ZNF407: variants seen among roughly 807,000 people sequenced by gnomAD.
ZNF407 encodes zinc finger protein 407.
A neutral mutation model predicts 131.2 loss-of-function variants in ZNF407; 17 were observed. The observed-to-expected ratio is 0.13, with a 90% confidence interval of 0.09 to 0.19. The LOEUF is 0.19. Ranked by LOEUF, ZNF407 falls within the 10% of genes least tolerant of loss-of-function variation. The pLI is 1.00. For missense variants in ZNF407, 2,681 were observed against 2,830.6 expected, an observed-to-expected ratio of 0.95 and a Z score of 1.20; for synonymous variants, 1,156 against 1,062.0, an observed-to-expected ratio of 1.09 and a Z score of -1.72.
chr18:75,051,154 G>T (rs1973496172), intron 8 of ZNF407, among the ~76,000 whole-genome samples: 1 of 151,986 alleles, frequency 6.6e-6, no homozygotes, highest in African/African-American at 2.4e-5. Flanking sequence ...CTGTGTGGGT[G>T]TCTACCTAAT....
chr18:74,715,626 C>T (rs1330110078), intron 3 of ZNF407, among the ~76,000 whole-genome samples: 1 of 152,156 alleles, frequency 6.6e-6, no homozygotes, highest in East Asian at 1.9e-4. Context: ...TTGAATTGAA[C>T]TACATGCTCG....
intron 4 of ZNF407, chr18:74,804,303 A>T (rs1203775528): frequency 5.5e-4 from 151 of 275,248 alleles, no homozygotes; most frequent in Non-Finnish European, 7.5e-4. Context: ...TCAATGAGTT[A>T]AAAAAAAAAA....
intron 8 of ZNF407, chr18:74,921,083 A>G: frequency 1.1e-6 from 1 of 886,010 alleles, no homozygotes. Flanking sequence ...TATTGACACC[A>G]TCATCTTCTA....
intron 3 of ZNF407, among the ~76,000 whole-genome samples, chr18:74,664,073 C>G (rs1427407224): frequency 1.3e-5 from 2 of 152,158 alleles, no homozygotes; most frequent in African/African-American, 4.8e-5. Context: ...CTCGCCATTC[C>G]CAGATCTGGG....
intron 3 of ZNF407, among the ~76,000 whole-genome samples, chr18:74,777,460 T>C (rs546145555): frequency 1.1e-3 from 175 of 152,278 alleles, no homozygotes; most frequent in African/African-American, 4.0e-3. Context: ...AGAGTTGGCC[T>C]CCTGTTCCAC....
intron 7 of ZNF407, among the ~76,000 whole-genome samples, chr18:74,918,337 T>C (rs145704194): frequency 8.3e-4 from 127 of 152,316 alleles, no homozygotes; most frequent in African/African-American, 2.4e-3. Flanking sequence ...TCACCAGCCA[T>C]ACAGCCTGTG....
At chr18:74,739,126 C>T (rs1968489115) in intron 3 of ZNF407, among the ~76,000 whole-genome samples, 3 of 151,174 alleles carry the variant, frequency 2.0e-5, no homozygotes. Flanking sequence ...GAATTTATCT[C>T]CCTAAAGATG....
intron 3 of ZNF407, among the ~76,000 whole-genome samples, chr18:74,763,705 A>ATTTTTTTTTTTTTTT (rs11340257): frequency 5.7e-5 from 4 of 70,228 alleles, no homozygotes; most frequent in African/African-American, 2.1e-4. Context: ...CTTATCTTTG[A>ATTTTTTTTTTTTTTT]TTTTTTTTTT....
intron 7 of ZNF407, among the ~76,000 whole-genome samples, chr18:74,902,189 C>G (rs1312748897): frequency 6.6e-6 from 1 of 152,078 alleles, no homozygotes; most frequent in Non-Finnish European, 1.5e-5. Context: ...TTGCTTTAAC[C>G]CGTCCCCACT....
intron 8 of ZNF407, among the ~76,000 whole-genome samples, chr18:74,991,346 C>T (rs1972716558): frequency 6.6e-6 from 1 of 152,164 alleles, no homozygotes; most frequent in African/African-American, 2.4e-5. Context: ...TTTTCAGTAG[C>T]TTTTACCTTC....
chr18:74,610,085 C>T (rs8092370), intron 1 of ZNF407, among the ~76,000 whole-genome samples: 10,467 of 152,188 alleles, frequency 0.069, 410 homozygotes, highest in African/African-American at 0.11. Context: ...TTCTTGGAGG[C>T]AGGGAACAAG....
chr18:74,696,757 A>G (rs1378714867), intron 3 of ZNF407, among the ~76,000 whole-genome samples: 1 of 152,184 alleles, frequency 6.6e-6, no homozygotes, highest in African/African-American at 2.4e-5. Flanking sequence ...TGGTAGTAAT[A>G]TGGAAACTGG....
chr18:74,790,668 G>T (rs1399873304), intron 4 of ZNF407, among the ~76,000 whole-genome samples: 3 of 151,982 alleles, frequency 2.0e-5, no homozygotes, highest in Non-Finnish European at 4.4e-5. Flanking sequence ...AGAGAACAAA[G>T]GCCTATATGT....
At position 74,974,218 on chromosome 18, in the gene ZNF407, G is replaced by A. The variant is rs368584579; in HGVS notation, c.5428+53526G>A. On this transcript the variant is annotated intron_variant, in intron 8 of 8. Coordinates refer to ENST00000299687, the MANE Select transcript of ZNF407 (RefSeq NM_017757.3). ...GTAGACGATTTTTCTTGGTCCTGTC[G>A]TATTAAACAGCTGACCTCACAGCTA... is the stretch of plus-strand genomic sequence containing the variant. Among the ~76,000 whole-genome samples the A allele has an allele frequency of 1.2e-4, 19 of 152,220 alleles. No homozygotes were observed. In the East Asian group the frequency reaches 1.5e-3, roughly 12 times the overall value.
chr18:74,673,575 T>C (rs2035800180), intron 3 of ZNF407, among the ~76,000 whole-genome samples: 1 of 152,226 alleles, frequency 6.6e-6, no homozygotes, highest in Admixed American at 6.5e-5. Flanking sequence ...ATTCACAGAC[T>C]GTGGATACTG....
intron 4 of ZNF407, among the ~76,000 whole-genome samples, chr18:74,872,290 G>T (rs1971098141): frequency 6.6e-6 from 1 of 151,760 alleles, no homozygotes; most frequent in Non-Finnish European, 1.5e-5. Context: ...AAATGATACA[G>T]TTTCACACCC....
intron 3 of ZNF407, among the ~76,000 whole-genome samples, chr18:74,707,818 C>G (rs1168315351): frequency 1.3e-5 from 2 of 152,122 alleles, no homozygotes; most frequent in African/African-American, 4.8e-5. Context: ...TCTGTATCTC[C>G]TACATCTGGT....
chr18:74,600,084 G>A (rs963775530), intron 1 of ZNF407, among the ~76,000 whole-genome samples: 3 of 152,230 alleles, frequency 2.0e-5, no homozygotes, highest in Admixed American at 6.5e-5. Context: ...ATATAGACAA[G>A]CAAATGCGCA....
At chr18:74,716,974 T>C (rs1037848404) in intron 3 of ZNF407, among the ~76,000 whole-genome samples, 5 of 152,184 alleles carry the variant, frequency 3.3e-5, no homozygotes, top group Non-Finnish European at 7.3e-5. Context: ...ATGTGTACCA[T>C]GTGTAATGTG....
Sources: gnomAD v4.1 joint callset for allele counts (sites outside exome capture counted in the v4.1 genomes callset) on GRCh38, gnomAD v4.1.1 for gene constraint, MANE v1.5 for transcripts, NCBI Gene and HGNC (gene_info 2026-07-23, HGNC 2026-07-21) for gene names.